The following IMMP2L variants were observed in gnomAD, a reference collection of about 807,000 sequenced individuals.
The protein encoded by IMMP2L is mitochondrial inner membrane protease subunit 2.
Under a neutral mutation model 19.3 loss-of-function variants are expected in IMMP2L, and 18 were observed. The ratio of observed to expected loss-of-function variants is 0.93; its 90% confidence interval spans 0.64 to 1.38. IMMP2L has a LOEUF of 1.38. Ranked by LOEUF, IMMP2L falls within the 40% of genes most tolerant of loss-of-function variation. The probability of loss-of-function intolerance (pLI) is 0.00; values close to 1 mark genes in which losing one functional copy is unlikely to be tolerated. For missense variants in IMMP2L, 233 were observed against 218.2 expected (o/e 1.07, Z -0.43); for synonymous variants, 76 against 73.0 (o/e 1.04, Z -0.21).
chr7:110,825,756 C>T (rs1445262303), intron 5 of IMMP2L, among the ~76,000 whole-genome samples: 3 of 152,126 alleles, frequency 2.0e-5, no homozygotes, highest in African/African-American at 7.2e-5. Context: ...CTAGGCAATA[C>T]CATTCAGGAC....
chr7:111,208,760 C>G (rs962828101), intron 3 of IMMP2L, among the ~76,000 whole-genome samples: 1 of 152,044 alleles, frequency 6.6e-6, no homozygotes, highest in Admixed American at 6.5e-5. Context: ...TCCTTTGGGT[C>G]TTTATAGAAA....
intron 3 of IMMP2L, among the ~76,000 whole-genome samples, chr7:111,166,067 A>G (rs1370531285): frequency 6.6e-6 from 1 of 152,048 alleles, no homozygotes; most frequent in Non-Finnish European, 1.5e-5. Flanking sequence ...AATGACAAGA[A>G]AAAAGTAGCA....
chr7:111,291,979 C>A (rs887322054), intron 3 of IMMP2L, among the ~76,000 whole-genome samples: 1 of 152,190 alleles, frequency 6.6e-6, no homozygotes, highest in Non-Finnish European at 1.5e-5. Context: ...TAAATCACTA[C>A]TGTGGTGATT....
chr7:111,264,915 C>T (rs1055040219), intron 3 of IMMP2L, among the ~76,000 whole-genome samples: 1 of 152,124 alleles, frequency 6.6e-6, no homozygotes, highest in East Asian at 1.9e-4. Context: ...TACTGAATTC[C>T]CCCTATTAAA....
intron 3 of IMMP2L, among the ~76,000 whole-genome samples, chr7:111,481,667 C>T (rs759289447): frequency 5.9e-5 from 9 of 151,872 alleles, no homozygotes; most frequent in Non-Finnish European, 1.2e-4. Context: ...CACTCCGACA[C>T]TCTTACCAAC....
rs532337412 is a variant in IMMP2L, at chr7:111,002,908, T to C, written c.240-39343A>G. Reference sequence around the variant, plus strand: ...GCCAGTGTCCATGAGACTGAAAACCTTGGGGAATGTGGGTAAAACCAAATT... The same window carrying C: ...GCCAGTGTCCATGAGACTGAAAACCCTGGGGAATGTGGGTAAAACCAAATT... On this transcript the variant is annotated intron_variant, in intron 3 of 5. Transcript: ENST00000405709. 2.6e-5 allele frequency among the ~76,000 whole-genome samples: 4 copies of C among 152,292 alleles called. No individual in the cohort carries two copies. In the East Asian group the frequency reaches 5.8e-4, roughly 22 times the overall value.
intron 5 of IMMP2L, among the ~76,000 whole-genome samples, chr7:110,842,796 G>T (rs1441743032): frequency 6.6e-6 from 1 of 152,092 alleles, no homozygotes; most frequent in Non-Finnish European, 1.5e-5. Context: ...AGACTGATTG[G>T]TTAGCAATCT....
rs539836502 is a variant in IMMP2L at position 110,834,542 on chromosome 7, G to A, written c.408+52051C>T. ...TGGAAGGAAGAAAGCTTTGTGCTCCGTCCTTCCAAGTATATAAGTATAAAC... is the reference window on the plus strand; with the variant it reads ...TGGAAGGAAGAAAGCTTTGTGCTCCATCCTTCCAAGTATATAAGTATAAAC... On this transcript the variant is annotated intron_variant, in intron 5 of 5. Coordinates refer to ENST00000405709, the MANE Select transcript of IMMP2L (RefSeq NM_032549.4). 5.3e-5 allele frequency among the ~76,000 whole-genome samples: 8 copies of A among 152,152 alleles called. No individual in the cohort carries two copies. The South Asian group carries it at 6.2e-4, about 12-fold the overall frequency.
intron 1 of IMMP2L, among the ~76,000 whole-genome samples, chr7:111,522,568 G>C (rs1162984847): frequency 1.3e-5 from 2 of 152,010 alleles, no homozygotes; most frequent in Non-Finnish European, 1.5e-5. Flanking sequence ...GCAGTCATGA[G>C]GGAAATGCAA....
intron 4 of IMMP2L, among the ~76,000 whole-genome samples, chr7:110,901,241 G>A (rs1738782513): frequency 6.6e-6 from 1 of 151,914 alleles, no homozygotes; most frequent in African/African-American, 2.4e-5. Context: ...CGAAGGTAGA[G>A]ATTTTAGCAC....
chr7:110,664,445 G>A (rs925618713), intron 5 of IMMP2L, among the ~76,000 whole-genome samples: 19 of 152,078 alleles, frequency 1.2e-4, no homozygotes, highest in African/African-American at 4.6e-4. Flanking sequence ...CATGGCAGAT[G>A]GTAAAGAATC....
chr7:111,186,404 G>C (rs1459516025), intron 3 of IMMP2L, among the ~76,000 whole-genome samples: 1 of 151,786 alleles, frequency 6.6e-6, no homozygotes, highest in African/African-American at 2.4e-5. Flanking sequence ...ATTTTTTTAA[G>C]CATCTAGAAC....
At chr7:111,299,573 G>GAAAAAAA (rs71147472) in intron 3 of IMMP2L, among the ~76,000 whole-genome samples, 2 of 118,662 alleles carry the variant, frequency 1.7e-5, no homozygotes. Flanking sequence ...AGCTGAAGCA[G>GAAAAAAA]AAAAAAAAAA....
intron 3 of IMMP2L, chr7:111,125,007 A>G (rs1286364849): frequency 1.1e-5 from 9 of 821,326 alleles, no homozygotes; most frequent in Non-Finnish European, 1.7e-5. Context: ...AAAAGTAAAA[A>G]AAGATTACTT....
intron 3 of IMMP2L, among the ~76,000 whole-genome samples, chr7:111,286,214 A>C (rs189971738): frequency 1.6e-3 from 237 of 152,310 alleles, no homozygotes; most frequent in African/African-American, 5.3e-3. Context: ...ACTTGGCATC[A>C]AAACCAACAG....
intron 4 of IMMP2L, among the ~76,000 whole-genome samples, chr7:110,921,099 ATTTATT>A (rs1262883636): frequency 6.6e-6 from 1 of 152,204 alleles, no homozygotes; most frequent in Non-Finnish European, 1.5e-5. Context: ...GTTGAATAAT[ATTTATT>A]TTTGTTTATG....
intron 3 of IMMP2L, among the ~76,000 whole-genome samples, chr7:111,471,729 A>G (rs141731249): frequency 2.0e-5 from 3 of 152,238 alleles, no homozygotes; most frequent in Non-Finnish European, 4.4e-5. Flanking sequence ...TTTCTTTTGA[A>G]CGTCCCTGAA....
chr7:110,753,821 T>C (rs184211674), intron 5 of IMMP2L, among the ~76,000 whole-genome samples: 3 of 151,770 alleles, frequency 2.0e-5, no homozygotes, highest in East Asian at 3.9e-4. Context: ...GGCGGGAATA[T>C]AGACAGCGGA....
intron 3 of IMMP2L, among the ~76,000 whole-genome samples, chr7:111,432,981 C>T (rs867673910): frequency 2.6e-5 from 4 of 150,958 alleles, no homozygotes; most frequent in Non-Finnish European, 5.9e-5. Context: ...AAAAAACACA[C>T]CTGGGAATAT....
Sources: allele counts gnomAD v4.1 joint callset (sites outside exome capture counted in the v4.1 genomes callset), GRCh38; gene constraint gnomAD v4.1.1; transcripts MANE v1.5; gene names NCBI Gene and HGNC (gene_info 2026-07-23, HGNC 2026-07-21).